The following C19orf84 variants were observed in gnomAD, a reference collection of about 807,000 sequenced individuals.
C19orf84 encodes the protein chromosome 19 open reading frame 84.
In C19orf84, 1 loss-of-function variant was observed where a neutral mutation model predicts 4.0. The observed-to-expected ratio is 0.25, with a 90% confidence interval of 0.09 to 1.19. The LOEUF (loss-of-function observed/expected upper bound fraction) is 1.19. Ranked by LOEUF, C19orf84 falls within the 50% of genes most tolerant of loss-of-function variation. The pLI, the probability that C19orf84 is intolerant of heterozygous loss-of-function variation, is 0.50. For synonymous variants in C19orf84, 123 were observed against 109.6 expected (o/e 1.12, Z -0.76); for missense variants, 224 against 246.8 (o/e 0.91, Z 0.62).
In C19orf84 at chr19:51,389,079, T is replaced by C; in HGVS notation, c.466A>G (p.Thr156Ala). 6.5e-7 allele frequency: 1 copy of C among 1,535,620 alleles called. No homozygotes were observed. The highest frequency in any genetic ancestry group is 1.4e-5 in the African/African-American group (1 of 73,066). Reference sequence around the variant, plus strand: ...TTCTTCCCATCCTGGGCAGGCAGTGTTGGTGGTGATGGCAGTGTCATTGGT... The same window carrying C: ...TTCTTCCCATCCTGGGCAGGCAGTGCTGGTGGTGATGGCAGTGTCATTGGT... The part of the protein sequence containing the change: ...TPPMTLPSPP[T>A]LPAQDGKKEA... Residue 156 changes from threonine to alanine, a missense_variant, in exon 2 of 2, where the codon ACA becomes GCA. By Grantham distance (58) the Thr-to-Ala change is moderately conservative (BLOSUM62 0). Coordinates refer to ENST00000574814, the MANE Select transcript of C19orf84 (RefSeq NM_001193623.2). This position sits in a 1 kb window ranked among gnomAD's most constrained non-coding sequence, Gnocchi z 4.7.
Position 51,389,193 on chromosome 19 carries a change from C to G in C19orf84, c.352G>C (p.Gly118Arg). 1 of 1,534,300 alleles carries G rather than the reference C, an allele frequency of 6.5e-7. No homozygotes were observed. Among genetic ancestry groups the G allele is most frequent in the Non-Finnish European group, 8.7e-7 (1 of 1,145,840 alleles). The part of the protein sequence containing the change: ...GWEVRHRPGW[G>R]RGLHRRGLGR... The stretch of plus-strand genomic sequence containing the variant: ...AGGCCCCGTCGATGCAGGCCTCGGC[C>G]CCAGCCTGGCCTGTGCCTGACTTCC... The change falls in exon 2 of 2, where the codon GGC becomes CGC. Residue 118 changes from glycine (G) to arginine (R), a missense_variant. Physicochemically the swap from Gly to Arg is moderately radical, Grantham distance 125. Transcript: ENST00000574814. The surrounding 1 kb of genome is among the most constrained non-coding windows in gnomAD (Gnocchi z 4.7).
At position 51,389,254 on chromosome 19, in the gene C19orf84, C is replaced by A. The variant is rs1305353191; in HGVS notation, c.291G>T (p.Gly97=). The change falls in exon 2 of 2, where the codon GGG becomes GGT. Residue 97 remains glycine, a synonymous_variant. Coordinates refer to ENST00000574814, the MANE Select transcript of C19orf84 (RefSeq NM_001193623.2). This position sits in a 1 kb window ranked among gnomAD's most constrained non-coding sequence, Gnocchi z 4.7. Reference sequence around the variant, plus strand: ...GTCCCCTGGGAGGCCTCCTAACTGCCCCCGGCTGGGAGTGGCCTGCCTGGG... The same window carrying A: ...GTCCCCTGGGAGGCCTCCTAACTGCACCCGGCTGGGAGTGGCCTGCCTGGG... The part of the protein sequence containing the change: ...CCSQAGHSQP[G]AVRRPPRGRG... The A allele has an allele frequency of 1.3e-6, 2 of 1,535,478 alleles. No individual in the cohort carries two copies. Among genetic ancestry groups the A allele is most frequent in the Non-Finnish European group, 1.7e-6 (2 of 1,146,592 alleles).
At chr19:51,390,456 A>T (rs1256444689) in intron 1 of C19orf84, 22 bp downstream of exon 1, 3 of 1,530,330 alleles carry the variant, frequency 2.0e-6, no homozygotes, top group East Asian at 2.5e-5. Context: ...TCCCCCTCTC[A>T]GGAGGTCTTT....
chr19:51,388,929 C>T lies in C19orf84; in HGVS notation c.*55G>A. On this transcript the variant is annotated 3_prime_UTR_variant, in exon 2 of 2. Coordinates refer to ENST00000574814, the MANE Select transcript of C19orf84 (RefSeq NM_001193623.2). ...TGACAGGGCTGAGATCACTCTGGGC[C>T]CCAGGAAAACCCTCCTGGGTGACTG... 1 of 1,525,938 alleles carries T rather than the reference C, an allele frequency of 6.6e-7. No individual in the cohort carries two copies. Among genetic ancestry groups the T allele is most frequent in the East Asian group, 2.4e-5 (1 of 40,836 alleles). The allele number at this position is 1,525,938 out of a possible 1,614,324, so 94.5% of individuals were successfully genotyped here. A position where few individuals can be genotyped will look rare whatever the true frequency, so the allele number is the denominator to read the frequency against.
At position 51,388,965 on chromosome 19, in the gene C19orf84, T is replaced by C; in HGVS notation, c.*19A>G. 1 of 1,535,820 alleles carries C rather than the reference T, an allele frequency of 6.5e-7. No individual in the cohort carries two copies. The highest frequency in any genetic ancestry group is 1.2e-5 in the South Asian group (1 of 84,058). On this transcript the variant is annotated 3_prime_UTR_variant, in exon 2 of 2. Transcript: ENST00000574814. ...CCTCCTGGGTGACTGCAATCTCAGG[T>C]GCCTGACCCTCCAAGGTCCTAGTAC...
rs1445586216 is a variant in C19orf84, at chr19:51,389,472, A to G, written c.73T>C (p.Trp25Arg). 7.0e-7 allele frequency: 1 copy of G among 1,435,558 alleles called. No homozygotes were observed. Among genetic ancestry groups the G allele is most frequent in the African/African-American group, 1.4e-5 (1 of 69,754 alleles). 88.9% of individuals were successfully genotyped at this position (1,435,558 alleles called of 1,614,324 possible). ...GGGGCTGGGAGAGGCGCAGGGGGCC[A>G]TGGCTCGGTCCCAGATGACGGCAGG... ...LSLPSSGTEP[W>R]PPAPLPAPPP... is the part of the protein sequence containing the mutation. The change falls in exon 2 of 2, where the codon TGG becomes CGG. Residue 25 changes from tryptophan to arginine, a missense_variant. Transcript: ENST00000574814. This position sits in a 1 kb window ranked among gnomAD's most constrained non-coding sequence, Gnocchi z 4.7.
Position 51,388,708 on chromosome 19 carries a change from G to A in C19orf84, c.*276C>T. The A allele has an allele frequency of 1.9e-6, 1 of 513,030 alleles. No individual in the cohort carries two copies. The highest frequency in any genetic ancestry group is 3.5e-6 in the Non-Finnish European group (1 of 286,934). 31.8% of individuals were successfully genotyped at this position (513,030 alleles called of 1,614,324 possible). ...GGGTTGAGAATGAGGTAAGGATTGT[G>A]GTTGTGGTTGGGGATGGCATTGGGA... On this transcript the variant is annotated 3_prime_UTR_variant, in exon 2 of 2. Transcript: ENST00000574814.
Position 51,389,150 on chromosome 19 carries a change from G to GGCT in C19orf84, c.392_394dup (p.Gln131dup). 1 of 1,535,870 alleles carries GGCT rather than the reference G, an allele frequency of 6.5e-7. No homozygotes were observed. The highest frequency in any genetic ancestry group is 1.2e-5 in the South Asian group (1 of 84,056). ...AGGGCCCCCCGCCCGGCCCCTCTCT[G>GGCT]GCTGCTCAGCTCTCCCAAGGCCCCG... On this transcript the variant is annotated inframe_insertion, in exon 2 of 2. Transcript: ENST00000574814. The surrounding 1 kb of genome is among the most constrained non-coding windows in gnomAD (Gnocchi z 4.7).
chr19:51,390,576 G>T lies in C19orf84; in HGVS notation c.-64C>A. ...GCCTCCGAGATCCTTCGGGGGCCCG[G>T]GAAGGTTGGGGAGGGGCCGAGGCCG... On this transcript the variant is annotated 5_prime_UTR_variant, in exon 1 of 2. Coordinates refer to ENST00000574814, the MANE Select transcript of C19orf84 (RefSeq NM_001193623.2). The T allele has an allele frequency of 6.7e-7, 1 of 1,492,166 alleles. No homozygotes were observed. The allele number at this position is 1,492,166 out of a possible 1,614,324, so 92.4% of individuals were successfully genotyped here.
Position 51,389,204 on chromosome 19 carries a change from C to T in C19orf84, c.341G>A (p.Arg114Lys). The change falls in exon 2 of 2, where the codon AGG (arginine) becomes AAG (lysine). Residue 114 changes from arginine (R) to lysine (K), a missense_variant. Physicochemically the swap from Arg to Lys is conservative, Grantham distance 26. Coordinates refer to ENST00000574814, the MANE Select transcript of C19orf84 (RefSeq NM_001193623.2). The surrounding 1 kb of genome is among the most constrained non-coding windows in gnomAD (Gnocchi z 4.7). ...ATGCAGGCCTCGGCCCCAGCCTGGC[C>T]TGTGCCTGACTTCCCAGCCTCCGCG... The part of the protein sequence containing the change: ...RGRGGWEVRH[R>K]PGWGRGLHRR... The T allele has an allele frequency of 6.5e-7, 1 of 1,534,302 alleles. No individual in the cohort carries two copies. The highest frequency in any genetic ancestry group is 1.2e-5 in the South Asian group (1 of 83,962).
chr19:51,389,114 G>C lies in C19orf84; in HGVS notation c.431C>G (p.Pro144Arg). Reference protein sequence around the residue: ...RGRAGGPGAGPRTPPMTLPSP... With the variant: ...RGRAGGPGAGRRTPPMTLPSP... ...TGGCAGTGTCATTGGTGGGGTCCTG[G>C]GGCCAGCCCCAGGGCCCCCCGCCCG... Residue 144 changes from proline (P) to arginine (R), a missense_variant, in exon 2 of 2, where the codon CCC (proline) becomes CGC (arginine). Transcript: ENST00000574814. This position sits in a 1 kb window ranked among gnomAD's most constrained non-coding sequence, Gnocchi z 4.7. 1 of 1,535,802 alleles carries C rather than the reference G, an allele frequency of 6.5e-7. No individual in the cohort carries two copies. Among genetic ancestry groups the C allele is most frequent in the Non-Finnish European group, 8.7e-7 (1 of 1,146,712 alleles).
Position 51,389,506 on chromosome 19 carries a change from G to A in C19orf84, c.39C>T (p.Asn13=). 7.0e-7 allele frequency: 1 copy of A among 1,423,586 alleles called. No individual in the cohort carries two copies. The highest frequency in any genetic ancestry group is 1.6e-5 in the South Asian group (1 of 64,178). The allele number at this position is 1,423,586 out of a possible 1,614,324, so 88.2% of individuals were successfully genotyped here. Reference sequence around the variant, plus strand: ...TCCCAGATGACGGCAGGGACAGGTTGTTCCTAGAACAACAAAAAGACAGGT... The same window carrying A: ...TCCCAGATGACGGCAGGGACAGGTTATTCCTAGAACAACAAAAAGACAGGT... The part of the protein sequence containing the change: ...QPKDGAGPEG[N]NLSLPSSGTE... The change falls in exon 2 of 2, where the codon AAC becomes AAT. Residue 13 remains asparagine (N), a synonymous_variant. Coordinates refer to ENST00000574814, the MANE Select transcript of C19orf84 (RefSeq NM_001193623.2). The surrounding 1 kb of genome is among the most constrained non-coding windows in gnomAD (Gnocchi z 4.7).
chr19:51,390,158 A>G, intron 1 of C19orf84, among the ~76,000 whole-genome samples: 1 of 151,964 alleles, frequency 6.6e-6, no homozygotes, highest in East Asian at 1.9e-4. Flanking sequence ...TTGTATTTTT[A>G]GGAGAGACAG....
Position 51,390,562 on chromosome 19 carries a change from CCT to C in C19orf84, c.-52_-51del. On this transcript the variant is annotated 5_prime_UTR_variant, in exon 1 of 2. Transcript: ENST00000574814. ...CTTCTAGCAACTTCGCCTCCGAGAT[CCT>C]TCGGGGGCCCGGGAAGGTTGGGGAG... The C allele has an allele frequency of 2.7e-6, 4 of 1,506,392 alleles. No homozygotes were observed. In the South Asian group the frequency reaches 3.7e-5, roughly 14 times the overall value. 93.3% of individuals were successfully genotyped at this position (1,506,392 alleles called of 1,614,324 possible). A position where few individuals can be genotyped will look rare whatever the true frequency, so the allele number is the denominator to read the frequency against.
In C19orf84 at chr19:51,389,596, A is replaced by G. The variant is rs3810095; in HGVS notation, c.36-87T>C. On this transcript the variant is annotated intron_variant, in intron 1 of 1. Transcript: ENST00000574814. The surrounding 1 kb of genome is among the most constrained non-coding windows in gnomAD (Gnocchi z 4.7). ...TGCCAGGCTGTCTCTGCACCTCTGC[A>G]GAAGGCAGCCATCTCTCCATCCTCA... The G allele has an allele frequency of 0.18, 210,313 of 1,174,324 alleles. 21,864 individuals are homozygous for G. Among genetic ancestry groups the G allele is most frequent in the African/African-American group, 0.42 (26,465 of 63,382 alleles). 72.7% of individuals were successfully genotyped at this position (1,174,324 alleles called of 1,614,324 possible). A position where few individuals can be genotyped will look rare whatever the true frequency, so the allele number is the denominator to read the frequency against.
intron 1 of C19orf84, 29 bp downstream of exon 1, chr19:51,390,449 C>A: frequency 6.5e-7 from 1 of 1,530,038 alleles, no homozygotes; most frequent in Non-Finnish European, 8.7e-7. Context: ...GTCTCTGTCC[C>A]CCTCTCAGGA....
In C19orf84 at chr19:51,388,692, A is replaced by C; in HGVS notation, c.*292T>G. On this transcript the variant is annotated 3_prime_UTR_variant, in exon 2 of 2. Coordinates refer to ENST00000574814, the MANE Select transcript of C19orf84 (RefSeq NM_001193623.2). ...GTTGGAGGAGCCCTGGGGGTTGAGA[A>C]TGAGGTAAGGATTGTGGTTGTGGTT... 2 of 447,594 alleles carry C rather than the reference A, an allele frequency of 4.5e-6. No individual in the cohort carries two copies. Among genetic ancestry groups the C allele is most frequent in the East Asian group, 4.4e-5 (1 of 22,766 alleles). 27.7% of individuals were successfully genotyped at this position (447,594 alleles called of 1,614,324 possible).
At chr19:51,390,355 C>T (rs893743061) in intron 1 of C19orf84, 123 bp downstream of exon 1, 85 of 897,880 alleles carry the variant, frequency 9.5e-5, no homozygotes, top group Admixed American at 5.9e-4. Context: ...ATACCTGAGC[C>T]TTTTTTGTTT....
In C19orf84 at chr19:51,390,569, G is replaced by T; in HGVS notation, c.-57C>A. 1 of 1,499,492 alleles carries T rather than the reference G, an allele frequency of 6.7e-7. No individual in the cohort carries two copies. Among genetic ancestry groups the T allele is most frequent in the Non-Finnish European group, 8.9e-7 (1 of 1,125,114 alleles). The allele number at this position is 1,499,492 out of a possible 1,614,324, so 92.9% of individuals were successfully genotyped here. On this transcript the variant is annotated 5_prime_UTR_variant, in exon 1 of 2. Transcript: ENST00000574814. ...CAACTTCGCCTCCGAGATCCTTCGG[G>T]GGCCCGGGAAGGTTGGGGAGGGGCC...
Sources: gnomAD v4.1 joint callset for allele counts (sites outside exome capture counted in the v4.1 genomes callset) on GRCh38, gnomAD v4.1.1 for gene constraint, Gnocchi (gnomAD v3.1) non-coding constraint, MANE v1.5 for transcripts, NCBI Gene and HGNC (gene_info 2026-07-23, HGNC 2026-07-21) for gene names.